UBE2U: variants seen among roughly 807,000 people sequenced by gnomAD.
UBE2U encodes the protein ubiquitin conjugating enzyme E2 U, also known as ubiquitin-conjugating enzyme E2 U.
In UBE2U, 39 loss-of-function variants were observed where a neutral mutation model predicts 41.2. That is an observed-to-expected ratio of 0.95 (90% CI 0.73 to 1.24). UBE2U has a LOEUF of 1.24. Among genes scored for constraint, UBE2U ranks in the 50% most tolerant of loss-of-function variants. UBE2U has a pLI of 0.00. For missense variants in UBE2U, 336 were observed against 363.1 expected (o/e 0.93, Z 0.61); for synonymous variants, 107 against 117.8 (o/e 0.91, Z 0.60).
intron 9 of UBE2U, among the ~76,000 whole-genome samples, chr1:64,264,093 A>AGTGAGTC (rs1158210202): frequency 1.5e-4 from 23 of 152,294 alleles, no homozygotes; most frequent in African/African-American, 5.5e-4. Context: ...TCACTCTTGT[A>AGTGAGTC]TTACTTGTAG....
chr1:64,230,029 A>T (rs1644525926), intron 6 of UBE2U, among the ~76,000 whole-genome samples: 1 of 152,220 alleles, frequency 6.6e-6, no homozygotes, highest in African/African-American at 2.4e-5. Context: ...AGCAAAACGA[A>T]CCAGATTTCT....
intron 6 of UBE2U, among the ~76,000 whole-genome samples, chr1:64,221,797 T>C (rs1267792835): frequency 2.6e-5 from 4 of 152,076 alleles, no homozygotes; most frequent in Admixed American, 6.5e-5. Flanking sequence ...TAAAATTAGA[T>C]AACTTATGGC....
In UBE2U at chr1:64,244,103, T is replaced by G. The variant is rs776728645; in HGVS notation, c.677+2370T>G. On this transcript the variant is annotated intron_variant, in intron 8 of 9. Transcript: ENST00000371077. ...CGCTATTATTCATGCTTTTAAAACTTTACTGTGGCCCTCATTCAATTTGCA... is the reference window on the plus strand; with the variant it reads ...CGCTATTATTCATGCTTTTAAAACTGTACTGTGGCCCTCATTCAATTTGCA... The G allele has an allele frequency of 1.9e-6, 3 of 1,553,470 alleles. No homozygotes were observed. The South Asian group carries it at 3.3e-5, about 17-fold the overall frequency.
At chr1:64,242,319 C>G (rs1358522494) in intron 8 of UBE2U, among the ~76,000 whole-genome samples, 1 of 152,104 alleles carries the variant, frequency 6.6e-6, no homozygotes, top group Non-Finnish European at 1.5e-5. Context: ...TCTGCTTCAT[C>G]ATGTTACAAC....
chr1:64,209,581 CTGA>C (rs918530888), intron 3 of UBE2U, among the ~76,000 whole-genome samples: 11 of 152,118 alleles, frequency 7.2e-5, no homozygotes, highest in African/African-American at 2.7e-4. Flanking sequence ...TGCAATGAAG[CTGA>C]TGTTTTTACT....
chr1:64,244,313 C>A, intron 8 of UBE2U: 9 of 1,005,188 alleles, frequency 9.0e-6, no homozygotes, highest in Non-Finnish European at 1.1e-5. Context: ...TGATTTCATT[C>A]GAGATATAAA....
intron 6 of UBE2U, among the ~76,000 whole-genome samples, chr1:64,222,390 G>A (rs10489899): frequency 0.15 from 22,572 of 152,124 alleles, 2,094 homozygotes; most frequent in East Asian, 0.45. Flanking sequence ...TACAGTGCCC[G>A]TGTTTACTAA....
chr1:64,224,935 T>TCACA (rs34259884), intron 6 of UBE2U, among the ~76,000 whole-genome samples: 2,042 of 146,914 alleles, frequency 0.014, 26 homozygotes, highest in African/African-American at 0.041. Context: ...TAGGATATTA[T>TCACA]CACACACACA....
At chr1:64,238,381 G>A (rs1644708928) in intron 7 of UBE2U, among the ~76,000 whole-genome samples, 1 of 151,302 alleles carries the variant, frequency 6.6e-6, no homozygotes, top group Non-Finnish European at 1.5e-5. Flanking sequence ...TCCAGCCTGG[G>A]TGACAGAGTG....
intron 8 of UBE2U, among the ~76,000 whole-genome samples, chr1:64,244,674 G>T (rs1644891521): frequency 6.6e-6 from 1 of 152,120 alleles, no homozygotes; most frequent in Admixed American, 6.6e-5. Context: ...TGTAGAGACA[G>T]TCACTGACAA....
chr1:64,223,396 G>A (rs914365590), intron 6 of UBE2U, among the ~76,000 whole-genome samples: 11 of 152,172 alleles, frequency 7.2e-5, no homozygotes, highest in African/African-American at 2.2e-4. Context: ...GAATGTAGTT[G>A]GAAGACCACA....
In UBE2U at chr1:64,203,775, ACT is replaced by A; in HGVS notation, c.-275_-274del. 3 of 346,528 alleles carry A rather than the reference ACT, an allele frequency of 8.7e-6. No homozygotes were observed. Among genetic ancestry groups the A allele is most frequent in the East Asian group, 4.4e-5 (1 of 22,536 alleles). The allele number at this position is 346,528 out of a possible 1,614,324, so 21.5% of individuals were successfully genotyped here. A position where few individuals can be genotyped will look rare whatever the true frequency, so the allele number is the denominator to read the frequency against. ...GTTACTCATCCAAGTTTGTCTTGAG[ACT>A]GGGCTGTGAGCCGGCACTGCAGTGA... On this transcript the variant is annotated 5_prime_UTR_variant, in exon 1 of 10. An upstream open reading frame in the 5' UTR loses its in-frame stop. Coordinates refer to ENST00000371077, the MANE Select transcript of UBE2U (RefSeq NM_001366232.2).
chr1:64,266,865 G>A lies in UBE2U; in HGVS notation c.770-159G>A, dbSNP rs75179942. 1.5e-3 allele frequency: 959 copies of A among 646,126 alleles called. 8 individuals carry two copies. In the African/African-American group the frequency reaches 0.016, roughly 11 times the overall value. 40.0% of individuals were successfully genotyped at this position (646,126 alleles called of 1,614,324 possible). On this transcript the variant is annotated intron_variant, in intron 9 of 9. Coordinates refer to ENST00000371077, the MANE Select transcript of UBE2U (RefSeq NM_001366232.2). ...GAAAGAATGATTTTTGACAAATAAA[G>A]TTACTTACAAAACATGAAGTTTAGA...
intron 7 of UBE2U, among the ~76,000 whole-genome samples, chr1:64,232,933 C>T (rs190243005): frequency 1.5e-4 from 23 of 152,160 alleles, no homozygotes; most frequent in Admixed American, 2.6e-4. Flanking sequence ...TGAACTCAAG[C>T]GATCTTCCTG....
chr1:64,230,535 C>T (rs1644543649), intron 6 of UBE2U, among the ~76,000 whole-genome samples: 1 of 152,126 alleles, frequency 6.6e-6, no homozygotes, highest in African/African-American at 2.4e-5. Flanking sequence ...ATGTGCACGC[C>T]ATGCTCTCTC....
intron 7 of UBE2U, among the ~76,000 whole-genome samples, chr1:64,236,285 C>T (rs1254391353): frequency 9.9e-5 from 15 of 152,140 alleles, no homozygotes. Flanking sequence ...GAGACTGGAA[C>T]CACATCTTCT....
At position 64,204,087 on chromosome 1, in the gene UBE2U, TTC is replaced by T. The variant is rs1287746863; in HGVS notation, c.39_40del (p.Phe13LeufsTer2). 1.2e-6 allele frequency: 2 copies of T among 1,613,778 alleles called. No individual in the cohort carries two copies. Among genetic ancestry groups the T allele is most frequent in the East Asian group, 2.2e-5 (1 of 44,878 alleles). ...GRAYLLLHRD[F>X]CDLKENNYKG... The stretch of plus-strand genomic sequence containing the variant: ...AGCTTACCTCTTGCTGCACAGAGAC[TTC>T]TGTGATCTCAAGGAGAACAATTATA... On this transcript the variant is annotated frameshift_variant, in exon 1 of 10. Coordinates refer to ENST00000371077, the MANE Select transcript of UBE2U (RefSeq NM_001366232.2). LOFTEE classifies it high-confidence loss of function.
At chr1:64,263,115 T>C (rs1645204403) in intron 9 of UBE2U, among the ~76,000 whole-genome samples, 1 of 152,220 alleles carries the variant, frequency 6.6e-6, no homozygotes, top group Non-Finnish European at 1.5e-5. Context: ...AGAAACTGGT[T>C]AGCGCTCCAG....
chr1:64,237,858 G>C (rs1212178281), intron 7 of UBE2U, among the ~76,000 whole-genome samples: 1 of 152,078 alleles, frequency 6.6e-6, no homozygotes, highest in Non-Finnish European at 1.5e-5. Flanking sequence ...ATAAGGAAGA[G>C]ACAGCCATAC....
Sources: allele counts gnomAD v4.1 joint callset (sites outside exome capture counted in the v4.1 genomes callset), GRCh38; gene constraint gnomAD v4.1.1; transcripts MANE v1.5; gene names NCBI Gene and HGNC (gene_info 2026-07-23, HGNC 2026-07-21).